ASTN2: variants seen among roughly 807,000 people sequenced by gnomAD.
ASTN2 encodes the protein astrotactin-2.
A neutral mutation model predicts 139.8 loss-of-function variants in ASTN2; 54 were observed. That is an observed-to-expected ratio of 0.39 (90% confidence interval 0.31 to 0.48). The LOEUF (loss-of-function observed/expected upper bound fraction) is 0.48. Among genes scored for constraint, ASTN2 ranks in the 20% least tolerant of loss-of-function variants. ASTN2 has a pLI of 0.95. For missense variants in ASTN2, 1,565 were observed against 1,725.1 expected (o/e 0.91, Z 1.64); for synonymous variants, 756 against 719.5 (o/e 1.05, Z -0.81).
chr9:117,062,130 T>C (rs577963334), intron 5 of ASTN2, among the ~76,000 whole-genome samples: 53 of 152,270 alleles, frequency 3.5e-4, no homozygotes, highest in Non-Finnish European at 4.4e-4. Context: ...GGCATGACTT[T>C]ATTTGAGGGG....
intron 10 of ASTN2, among the ~76,000 whole-genome samples, chr9:116,959,772 G>A (rs934938365): frequency 6.6e-6 from 1 of 152,098 alleles, no homozygotes; most frequent in African/African-American, 2.4e-5. Context: ...AGACAGAAAG[G>A]AAAACAACCT....
Position 116,426,020 on chromosome 9 carries a change from G to A in ASTN2, c.3851C>T (p.Ala1284Val), listed in dbSNP as rs1847298024. 1 of 1,614,076 alleles carries A rather than the reference G, an allele frequency of 6.2e-7. No homozygotes were observed. Among genetic ancestry groups the A allele is most frequent in the Non-Finnish European group, 8.5e-7 (1 of 1,180,026 alleles). Residue 1284 changes from alanine to valine, a missense_variant, in exon 23 of 23, where the codon GCC (alanine) becomes GTC (valine). Transcript: ENST00000313400. ...SSHCSSLLRS[A>V]YIQSRVETVP... ...TGTTTCCACGCGGCTCTGGATGTAG[G>A]CACTCCGCAGGAGGCTGGAGCAGTG...
chr9:117,104,501 A>G (rs922172970), intron 4 of ASTN2, among the ~76,000 whole-genome samples: 2 of 152,220 alleles, frequency 1.3e-5, no homozygotes, highest in African/African-American at 4.8e-5. Flanking sequence ...AAAAAAGTAA[A>G]AAGTCATTCT....
intron 11 of ASTN2, among the ~76,000 whole-genome samples, chr9:116,825,531 C>T (rs942934613): frequency 2.6e-4 from 40 of 152,150 alleles, no homozygotes; most frequent in African/African-American, 8.0e-4. Context: ...AGTAGATACA[C>T]ACATTCCAAA....
intron 1 of ASTN2, among the ~76,000 whole-genome samples, chr9:117,390,670 G>C (rs1588005887): frequency 6.6e-6 from 1 of 152,234 alleles, no homozygotes; most frequent in East Asian, 1.9e-4. Flanking sequence ...TTTGCTGCTT[G>C]ATATTAATAG....
intron 1 of ASTN2, among the ~76,000 whole-genome samples, chr9:117,405,811 C>G (rs1298237927): frequency 1.3e-5 from 2 of 152,190 alleles, no homozygotes; most frequent in African/African-American, 4.8e-5. Flanking sequence ...TAATCATTTA[C>G]CTGGTTTCCA....
intron 16 of ASTN2, among the ~76,000 whole-genome samples, chr9:116,704,340 ACAT>A (rs905728694): frequency 4.2e-5 from 6 of 143,424 alleles, no homozygotes; most frequent in African/African-American, 1.5e-4. Flanking sequence ...TAGAACAACA[ACAT>A]CAACAAAAAA....
At position 117,334,360 on chromosome 9, in the gene ASTN2, C is replaced by T. The variant is rs139769005; in HGVS notation, c.443-42847G>A. ...GTTCTGCTTTCAGGTGCAGGCTTAC[C>T]TTCACTGACCCCTGAGACTAGGATA... On this transcript the variant is annotated intron_variant, in intron 1 of 22. Transcript: ENST00000313400. Among the ~76,000 whole-genome samples the T allele has an allele frequency of 1.3e-3, 205 of 152,206 alleles. 1 individual carries two copies. The highest frequency in any genetic ancestry group is 4.8e-3 in the African/African-American group (199 of 41,548).
chr9:116,632,830 T>TA (rs1325426461), intron 17 of ASTN2, among the ~76,000 whole-genome samples: 1 of 152,260 alleles, frequency 6.6e-6, no homozygotes, highest in Non-Finnish European at 1.5e-5. Flanking sequence ...TTAGTGGACT[T>TA]ACCACATTTT....
At chr9:117,002,508 G>C (rs1837220948) in intron 7 of ASTN2, among the ~76,000 whole-genome samples, 1 of 152,154 alleles carries the variant, frequency 6.6e-6, no homozygotes, top group South Asian at 2.1e-4. Flanking sequence ...AGTAAGACCA[G>C]GGTATCCTAG....
intron 1 of ASTN2, among the ~76,000 whole-genome samples, chr9:117,404,956 T>C (rs1406366810): frequency 6.6e-6 from 1 of 151,958 alleles, no homozygotes; most frequent in African/African-American, 2.4e-5. Flanking sequence ...ACATAGGAGT[T>C]TGCTTGTCAA....
At chr9:117,173,928 T>G (rs1197272723) in intron 3 of ASTN2, among the ~76,000 whole-genome samples, 1 of 151,128 alleles carries the variant, frequency 6.6e-6, no homozygotes, top group Non-Finnish European at 1.5e-5. Context: ...TATCACTACG[T>G]CTTGCTCTCT....
intron 6 of ASTN2, among the ~76,000 whole-genome samples, chr9:117,027,316 T>C (rs1838116453): frequency 6.6e-6 from 1 of 152,176 alleles, no homozygotes; most frequent in Non-Finnish European, 1.5e-5. Flanking sequence ...ACAAGCTGCC[T>C]TGCCCTTTGT....
At chr9:116,939,494 C>T (rs1035971595) in intron 10 of ASTN2, among the ~76,000 whole-genome samples, 11 of 152,092 alleles carry the variant, frequency 7.2e-5, no homozygotes, top group African/African-American at 2.7e-4. Context: ...TTTGTAACTC[C>T]CCATCCTTCG....
rs1860987215 is a variant in ASTN2, at chr9:116,698,321, C to T, written c.2806+27450G>A. ...TCCAGGAGTATGGGCATGAGGAGCG[C>T]AGGGTCCAGGATGAGCTGGCTCGCT... is the stretch of plus-strand genomic sequence containing the variant. On this transcript the variant is annotated intron_variant, in intron 16 of 22. Transcript: ENST00000313400. This position sits in a 1 kb window ranked among gnomAD's most constrained non-coding sequence, Gnocchi z 4.4. 1 of 1,614,038 alleles carries T rather than the reference C, an allele frequency of 6.2e-7. No homozygotes were observed. The highest frequency in any genetic ancestry group is 8.5e-7 in the Non-Finnish European group (1 of 1,180,036).
At chr9:116,506,474 C>T (rs1850113395) in intron 19 of ASTN2, among the ~76,000 whole-genome samples, 1 of 150,414 alleles carries the variant, frequency 6.6e-6, no homozygotes, top group African/African-American at 2.4e-5. Flanking sequence ...AGGCGGGAAG[C>T]CCCAGAGATG....
intron 2 of ASTN2, among the ~76,000 whole-genome samples, chr9:117,237,851 C>T (rs1451730507): frequency 6.6e-6 from 1 of 152,196 alleles, no homozygotes; most frequent in Non-Finnish European, 1.5e-5. Context: ...TCCCAGTGGG[C>T]CCAGGCCCCA....
chr9:116,567,714 G>A (rs535223689), intron 19 of ASTN2, among the ~76,000 whole-genome samples: 6 of 152,124 alleles, frequency 3.9e-5, no homozygotes, highest in Non-Finnish European at 5.9e-5. Flanking sequence ...ATTTCACGAA[G>A]AAGATGAAGG....
chr9:116,772,404 T>A (rs1829975815), intron 13 of ASTN2, among the ~76,000 whole-genome samples: 1 of 152,194 alleles, frequency 6.6e-6, no homozygotes, highest in Non-Finnish European at 1.5e-5. Context: ...TCCTTTGCCT[T>A]CCACCATGAT....
Sources: gnomAD v4.1 joint callset for allele counts (sites outside exome capture counted in the v4.1 genomes callset) on GRCh38, gnomAD v4.1.1 for gene constraint, Gnocchi (gnomAD v3.1) non-coding constraint, MANE v1.5 for transcripts, NCBI Gene and HGNC (gene_info 2026-07-23, HGNC 2026-07-21) for gene names.